OGA: variants seen among roughly 807,000 people sequenced by gnomAD.
The protein encoded by OGA is protein O-GlcNAcase.
In OGA, 21 loss-of-function variants were observed where a neutral mutation model predicts 102.0. The ratio of observed to expected loss-of-function variants is 0.21; its 90% CI spans 0.15 to 0.30. The LOEUF is 0.30. Ranked by LOEUF, OGA falls within the 10% of genes least tolerant of loss-of-function variation. The pLI, the probability that OGA is intolerant of heterozygous loss-of-function variation, is 1.00. For missense variants in OGA, 765 were observed against 1,107.8 expected, an observed-to-expected ratio of 0.69 and a Z score of 4.39; for synonymous variants, 408 against 378.2, an observed-to-expected ratio of 1.08 and a Z score of -0.91.
At chr10:101,803,412 T>C (rs1342224654) in intron 7 of OGA, among the ~76,000 whole-genome samples, 1 of 148,900 alleles carries the variant, frequency 6.7e-6, no homozygotes, top group South Asian at 2.1e-4. Context: ...TTTCCTGGGA[T>C]TATAAGCGAG....
chr10:101,793,009 G>T, intron 11 of OGA, 66 bp from the exon 12 acceptor site: 1 of 1,268,370 alleles, frequency 7.9e-7, no homozygotes, highest in Non-Finnish European at 1.1e-6. Flanking sequence ...AAATGGGTGT[G>T]CACTGCAGAT....
At position 101,800,466 on chromosome 10, in the gene OGA, A is replaced by G. The variant is rs2065374843; in HGVS notation, c.1037-66T>C. ...TTACAAAAGCCTTCTGACAAGTGAG[A>G]AGAATAAATGCAACTAGTTTTCACA... On this transcript the variant is annotated intron_variant, in intron 7 of 15. Transcript: ENST00000361464. The G allele has an allele frequency of 1.4e-5, 18 of 1,260,260 alleles. No homozygotes were observed. The South Asian group carries it at 2.2e-4, about 16-fold the overall frequency. 78.1% of individuals were successfully genotyped at this position (1,260,260 alleles called of 1,614,324 possible).
chr10:101,801,758 T>A (rs1486583107), intron 7 of OGA, among the ~76,000 whole-genome samples: 2 of 152,152 alleles, frequency 1.3e-5, no homozygotes, highest in African/African-American at 4.8e-5. Context: ...AGCAGAGGTA[T>A]GGAATTGAGA....
chr10:101,818,384 CCTCCAAG>C lies in OGA; in HGVS notation c.-369_-363del. The C allele has an allele frequency of 9.6e-7, 1 of 1,039,868 alleles. No individual in the cohort carries two copies. Among genetic ancestry groups the C allele is most frequent in the Non-Finnish European group, 1.2e-6 (1 of 864,326 alleles). The allele number at this position is 1,039,868 out of a possible 1,614,324, so 64.4% of individuals were successfully genotyped here. A position where few individuals can be genotyped will look rare whatever the true frequency, so the allele number is the denominator to read the frequency against. On this transcript the variant is annotated 5_prime_UTR_variant, in exon 1 of 16. Transcript: ENST00000361464. ...TAATCTTAGGTCTTCCGCTGTTTCC[CCTCCAAG>C]CCCCGAGCTCTCCCTCTGCTGCTGC...
intron 9 of OGA, 53 bp from the exon 10 acceptor site, chr10:101,798,207 C>G: frequency 6.5e-7 from 1 of 1,549,890 alleles, no homozygotes; most frequent in Admixed American, 1.7e-5. Flanking sequence ...ACAAAATAAT[C>G]TGAGACACAG....
intron 1 of OGA, 128 bp downstream of exon 1, chr10:101,817,696 T>G: frequency 3.7e-6 from 4 of 1,071,196 alleles, no homozygotes; most frequent in Non-Finnish European, 5.3e-6. Flanking sequence ...TCCCCTCGCT[T>G]TAGGAGGGCC....
chr10:101,802,644 G>A (rs1037009961), intron 7 of OGA, among the ~76,000 whole-genome samples: 4 of 151,618 alleles, frequency 2.6e-5, no homozygotes, highest in Non-Finnish European at 5.9e-5. Flanking sequence ...ACTCCAGCCT[G>A]GGCAACAAGA....
chr10:101,784,683 C>T lies in OGA; in HGVS notation c.*1768G>A, dbSNP rs745860880. ...ATGATTACTAAAAGCCAAGATAAAA[C>T]CAAAAGCAAACTTGCTAAAAAATCC... On this transcript the variant is annotated 3_prime_UTR_variant, in exon 16 of 16. Transcript: ENST00000361464. The T allele has an allele frequency of 1.3e-5, 2 of 152,176 alleles. No homozygotes were observed. The highest frequency in any genetic ancestry group is 4.8e-5 in the African/African-American group (2 of 41,426). The allele number at this position is 152,176 out of a possible 1,614,324, so 9.4% of individuals were successfully genotyped here.
At position 101,784,454 on chromosome 10, in the gene OGA, CT is replaced by C. The variant is rs1192704786; in HGVS notation, c.*1996del. On this transcript the variant is annotated 3_prime_UTR_variant, in exon 16 of 16. Transcript: ENST00000361464. ...CACAATACAACACGACAAGCATTCA[CT>C]TCAAGTTTTATTTTGCCTCTTGCAT... The C allele has an allele frequency of 2.0e-5, 3 of 152,672 alleles. No homozygotes were observed. Among genetic ancestry groups the C allele is most frequent in the Non-Finnish European group, 4.4e-5 (3 of 68,024 alleles). The allele number at this position is 152,672 out of a possible 1,614,324, so 9.5% of individuals were successfully genotyped here.
At chr10:101,799,701 G>A (rs1164400253) in intron 8 of OGA, among the ~76,000 whole-genome samples, 1 of 152,104 alleles carries the variant, frequency 6.6e-6, no homozygotes, top group Non-Finnish European at 1.5e-5. Context: ...GAAAATTTGT[G>A]TCTAAAAACC....
chr10:101,813,245 A>G (rs914903317), intron 2 of OGA, 118 bp from the exon 3 acceptor site: 2 of 715,358 alleles, frequency 2.8e-6, no homozygotes, highest in Non-Finnish European at 2.4e-6. Context: ...CTATGACAGT[A>G]GCTTTTAACC....
intron 1 of OGA, among the ~76,000 whole-genome samples, chr10:101,817,009 G>A (rs1203127090): frequency 2.0e-5 from 3 of 152,194 alleles, no homozygotes; most frequent in African/African-American, 7.2e-5. Context: ...ACTGCGGAAA[G>A]ACTAATAATG....
Position 101,818,138 on chromosome 10 carries a change from C to A in OGA, c.-116G>T. ...CTCCAAGTGTGCGCCCCTCCGGCTC[C>A]TTCCCCTCCCCCTCTGCCCTTCCCC... is the stretch of plus-strand genomic sequence containing the variant. On this transcript the variant is annotated 5_prime_UTR_variant, in exon 1 of 16. The change creates a new upstream start codon in the 5' untranslated region. Coordinates refer to ENST00000361464, the MANE Select transcript of OGA (RefSeq NM_012215.5). 7.2e-7 allele frequency: 1 copy of A among 1,390,994 alleles called. No individual in the cohort carries two copies. The allele number at this position is 1,390,994 out of a possible 1,614,324, so 86.2% of individuals were successfully genotyped here. A position where few individuals can be genotyped will look rare whatever the true frequency, so the allele number is the denominator to read the frequency against.
At chr10:101,805,492 T>G (rs1420833814) in intron 6 of OGA, among the ~76,000 whole-genome samples, 1 of 151,552 alleles carries the variant, frequency 6.6e-6, no homozygotes, top group African/African-American at 2.4e-5. Flanking sequence ...CCGTCTCTAC[T>G]AGAAATACAA....
intron 7 of OGA, among the ~76,000 whole-genome samples, chr10:101,800,775 T>C (rs1187854885): frequency 1.4e-5 from 2 of 143,800 alleles, no homozygotes; most frequent in Non-Finnish European, 3.1e-5. Context: ...TAACTTCTTT[T>C]TTTTTTTTTT....
At chr10:101,792,684 A>G (rs1473267841) in intron 12 of OGA, 155 bp downstream of exon 12, 1 of 564,746 alleles carries the variant, frequency 1.8e-6, no homozygotes, top group Non-Finnish European at 3.1e-6. Context: ...AACTCCTTAA[A>G]TTTCTCAAGA....
In OGA at chr10:101,797,611, C is replaced by T. The variant is rs565258261; in HGVS notation, c.1984+369G>A. 2.5e-5 allele frequency: 10 copies of T among 394,106 alleles called. No homozygotes were observed. In the East Asian group the frequency reaches 4.9e-4, roughly 19 times the overall value. The allele number at this position is 394,106 out of a possible 1,614,324, so 24.4% of individuals were successfully genotyped here. A position where few individuals can be genotyped will look rare whatever the true frequency, so the allele number is the denominator to read the frequency against. On this transcript the variant is annotated intron_variant, in intron 10 of 15. Transcript: ENST00000361464. The stretch of plus-strand genomic sequence containing the variant: ...AAACATAGCATTAATGTTATCAAGA[C>T]ACAGCAAGCAGCAGAAAGCTTGTGG...
chr10:101,805,002 C>T (rs2065449547), intron 6 of OGA, among the ~76,000 whole-genome samples: 1 of 152,030 alleles, frequency 6.6e-6, no homozygotes, highest in African/African-American at 2.4e-5. Context: ...GGATCAATAC[C>T]TTTTAGCCCA....
intron 10 of OGA, among the ~76,000 whole-genome samples, chr10:101,796,172 C>T (rs1265960022): frequency 5.3e-5 from 8 of 152,124 alleles, no homozygotes; most frequent in Non-Finnish European, 7.4e-5. Context: ...TGAGCAGAAA[C>T]CTGGAAGGCA....
Sources: gnomAD v4.1 joint callset for allele counts (sites outside exome capture counted in the v4.1 genomes callset) on GRCh38, gnomAD v4.1.1 for gene constraint, MANE v1.5 for transcripts, NCBI Gene and HGNC (gene_info 2026-07-23, HGNC 2026-07-21) for gene names.